The following SUCO variants were observed in gnomAD, a reference collection of about 807,000 sequenced individuals.
The protein encoded by SUCO is SUN domain containing ossification factor, also known as SUN domain-containing ossification factor.
Under a neutral mutation model 148.1 loss-of-function variants are expected in SUCO, and 57 were observed. The observed-to-expected ratio is 0.38, with a 90% CI of 0.31 to 0.48. The LOEUF (loss-of-function observed/expected upper bound fraction) is 0.48, where lower values mean the gene tolerates loss of function less well. Among genes scored for constraint, SUCO ranks in the 20% least tolerant of loss-of-function variants. SUCO has a pLI of 0.96. For synonymous variants in SUCO, 470 were observed against 502.7 expected (o/e 0.93, Z 0.87); for missense variants, 1,331 against 1,468.2 (o/e 0.91, Z 1.53).
At chr1:172,561,009 G>A (rs1170969280) in intron 6 of SUCO, among the ~76,000 whole-genome samples, 16 of 152,214 alleles carry the variant, frequency 1.1e-4, no homozygotes, top group African/African-American at 1.7e-4. Context: ...GGGTGGCACC[G>A]CCACCTTCCC....
At chr1:172,562,931 A>C (rs1654289475) in intron 6 of SUCO, among the ~76,000 whole-genome samples, 1 of 152,072 alleles carries the variant, frequency 6.6e-6, no homozygotes, top group Admixed American at 6.5e-5. Context: ...GACTTCTCAC[A>C]AGATCTAGTT....
At chr1:172,561,023 C>G (rs1402887219) in intron 6 of SUCO, among the ~76,000 whole-genome samples, 1 of 152,266 alleles carries the variant, frequency 6.6e-6, no homozygotes, top group East Asian at 1.9e-4. Context: ...CCTTCCCAGA[C>G]TAGATAGTTG....
At chr1:172,577,039 A>C (rs564351114) in intron 11 of SUCO, 31 of 768,144 alleles carry the variant, frequency 4.0e-5, no homozygotes, top group Middle Eastern at 1.3e-3. Flanking sequence ...ACTTTCCCCG[A>C]AATAAGTTGT....
At position 172,610,186 on chromosome 1, in the gene SUCO, A is replaced by G. The variant is rs1658128952; in HGVS notation, c.3692A>G (p.His1231Arg). Residue 1231 changes from histidine to arginine, a missense_variant, in exon 24 of 24, where the codon CAT (histidine) becomes CGT (arginine). Coordinates refer to ENST00000263688, the MANE Select transcript of SUCO (RefSeq NM_014283.5). ...QTKSGSLPSLHDIIKGNKEIT... is the reference protein window; with the variant it reads ...QTKSGSLPSLRDIIKGNKEIT... Reference sequence around the variant, plus strand: ...AAGTCGGGATCATTGCCGAGCCTGCATGACATAATCAAAGGAAACAAAGAG... The same window carrying G: ...AAGTCGGGATCATTGCCGAGCCTGCGTGACATAATCAAAGGAAACAAAGAG... 5 of 1,613,330 alleles carry G rather than the reference A, an allele frequency of 3.1e-6. No homozygotes were observed. The highest frequency in any genetic ancestry group is 2.2e-5 in the South Asian group (2 of 90,988).
At chr1:172,581,971 G>A (rs1257623895) in intron 15 of SUCO, among the ~76,000 whole-genome samples, 1 of 152,162 alleles carries the variant, frequency 6.6e-6, no homozygotes, top group Non-Finnish European at 1.5e-5. Flanking sequence ...TTGTGTGTAT[G>A]GCTTCCTGAT....
chr1:172,542,400 G>A (rs1652537725), intron 1 of SUCO, among the ~76,000 whole-genome samples: 1 of 151,926 alleles, frequency 6.6e-6, no homozygotes, highest in South Asian at 2.1e-4. Context: ...AAGAAAAAAA[G>A]TTGGCTGGAG....
intron 8 of SUCO, 43 bp downstream of exon 8, chr1:172,570,214 C>A: frequency 1.6e-6 from 2 of 1,249,648 alleles, no homozygotes; most frequent in East Asian, 2.6e-5. Context: ...AGGAAATTAA[C>A]GACTTTTTAA....
At chr1:172,563,021 C>G (rs1018398100) in intron 6 of SUCO, among the ~76,000 whole-genome samples, 1 of 152,182 alleles carries the variant, frequency 6.6e-6, no homozygotes, top group African/African-American at 2.4e-5. Context: ...CCCCTTTGCC[C>G]TTCTGCTGTG....
In SUCO at chr1:172,611,185, G is replaced by C. The variant is rs1658190398; in HGVS notation, c.*926G>C. On this transcript the variant is annotated 3_prime_UTR_variant, in exon 24 of 24. Coordinates refer to ENST00000263688, the MANE Select transcript of SUCO (RefSeq NM_014283.5). ...ATATAATCACTGCCTGCATACATATGCACAGATCCAGTTAGTGAGTTTGTC... is the reference window on the plus strand; with the variant it reads ...ATATAATCACTGCCTGCATACATATCCACAGATCCAGTTAGTGAGTTTGTC... 1 of 152,618 alleles carries C rather than the reference G, an allele frequency of 6.6e-6. No individual in the cohort carries two copies. Among genetic ancestry groups the C allele is most frequent in the African/African-American group, 2.4e-5 (1 of 41,440 alleles). 9.5% of individuals were successfully genotyped at this position (152,618 alleles called of 1,614,324 possible).
chr1:172,579,992 A>C (rs1655758339), intron 15 of SUCO, among the ~76,000 whole-genome samples: 2 of 152,164 alleles, frequency 1.3e-5, no homozygotes, highest in South Asian at 4.1e-4. Context: ...TGTGCTTGTC[A>C]CTTTTTGCTC....
intron 17 of SUCO, among the ~76,000 whole-genome samples, chr1:172,586,234 C>T (rs1375913057): frequency 6.6e-6 from 1 of 152,048 alleles, no homozygotes; most frequent in Non-Finnish European, 1.5e-5. Flanking sequence ...AAATAATTGA[C>T]CTTACTCTGC....
chr1:172,551,413 C>CA (rs1653287082), intron 1 of SUCO, 99 bp from the exon 2 acceptor site: 1 of 647,496 alleles, frequency 1.5e-6, no homozygotes, highest in Non-Finnish European at 2.6e-6. Context: ...TTTATCGCCT[C>CA]AAATTCTAGC....
intron 18 of SUCO, among the ~76,000 whole-genome samples, chr1:172,590,710 A>ATG (rs554654029): frequency 4.2e-4 from 63 of 151,738 alleles, no homozygotes; most frequent in African/African-American, 1.3e-3. Flanking sequence ...TTGGCTAATC[A>ATG]TGTGTGTGTG....
At chr1:172,603,744 TC>T (rs777942084) in intron 22 of SUCO, among the ~76,000 whole-genome samples, 35 of 151,978 alleles carry the variant, frequency 2.3e-4, no homozygotes, top group Non-Finnish European at 4.3e-4. Context: ...CTCAAAAACT[TC>T]CTTGTGCTCT....
chr1:172,541,945 G>T (rs1652492659), intron 1 of SUCO: 1 of 613,914 alleles, frequency 1.6e-6, no homozygotes, highest in Non-Finnish European at 2.0e-6. Flanking sequence ...GCAACTAGAA[G>T]AATTGGTGGT....
chr1:172,542,590 A>C (rs972371348), intron 1 of SUCO: 1 of 228,748 alleles, frequency 4.4e-6, no homozygotes, highest in Non-Finnish European at 7.2e-6. Context: ...CATGAACCCT[A>C]CTATGAACCA....
chr1:172,569,453 T>C, intron 7 of SUCO: 2 of 979,770 alleles, frequency 2.0e-6, no homozygotes, highest in Non-Finnish European at 2.4e-6. Context: ...CATATGGAAC[T>C]CAAAAAGAAC....
rs144152131 is a variant in SUCO at position 172,564,880 on chromosome 1, T to G, written c.733-4139T>G. Among the ~76,000 whole-genome samples, 636 of 152,352 alleles carry G rather than the reference T, an allele frequency of 4.2e-3. 4 individuals carry two copies. The highest frequency in any genetic ancestry group is 0.018 in the South Asian group (87 of 4,834). ...CTTATATTTTGAACTTCCCTTTTAGTAACTTCCAAATTAAACAAAACATTT... is the reference window on the plus strand; with the variant it reads ...CTTATATTTTGAACTTCCCTTTTAGGAACTTCCAAATTAAACAAAACATTT... On this transcript the variant is annotated intron_variant, in intron 6 of 23. Transcript: ENST00000263688.
upstream of SUCO, chr1:172,532,576 AAC>A (rs779218163): frequency 6.4e-5 from 104 of 1,613,972 alleles, no homozygotes; most frequent in African/African-American, 1.3e-3. Flanking sequence ...CTTCCCTCAC[AAC>A]ACACACGTCA....
Sources: gnomAD v4.1 joint callset for allele counts (sites outside exome capture counted in the v4.1 genomes callset) on GRCh38, gnomAD v4.1.1 for gene constraint, MANE v1.5 for transcripts, NCBI Gene and HGNC (gene_info 2026-07-23, HGNC 2026-07-21) for gene names.